GAGE10: variants seen among roughly 807,000 people sequenced by gnomAD.
The protein encoded by GAGE10 is G antigen 10.
In GAGE10, 9 loss-of-function variants were observed where a neutral mutation model predicts 11.5. The ratio of observed to expected loss-of-function variants is 0.78; its 90% CI spans 0.47 to 1.37. The LOEUF (loss-of-function observed/expected upper bound fraction) is 1.37, where lower values mean the gene tolerates loss of function less well. GAGE10 is among the 40% of genes most tolerant of loss of function. The pLI, the probability that GAGE10 is intolerant of heterozygous loss-of-function variation, is 0.00. For synonymous variants in GAGE10, 23 were observed against 29.7 expected (o/e 0.77, Z 0.73); for missense variants, 83 against 92.9 (o/e 0.89, Z 0.44).
At chrX:49,314,097 G>A (rs1484111004) in intron 3 of GAGE10, among the ~76,000 whole-genome samples, 3 of 112,504 alleles carry the variant, frequency 2.7e-5, no homozygotes, top group African/African-American at 9.7e-5. Context: ...GGTTTGCCAT[G>A]CCCATGTGTA....
chrX:49,315,359 A>G (rs2066388236), intron 3 of GAGE10, among the ~76,000 whole-genome samples: 1 of 112,385 alleles, frequency 8.9e-6, no homozygotes. Context: ...GGATGTAGAC[A>G]TAGGAGACTG....
At chrX:49,304,187 G>A (rs1557123765) in intron 1 of GAGE10, among the ~76,000 whole-genome samples, 1 of 112,123 alleles carries the variant, frequency 8.9e-6, no homozygotes, top group African/African-American at 3.2e-5. Context: ...CACCTGGGAA[G>A]ACTGCGGGCT....
intron 3 of GAGE10, among the ~76,000 whole-genome samples, chrX:49,312,945 C>T (rs1465466395): frequency 8.9e-6 from 1 of 112,351 alleles, no homozygotes; most frequent in Non-Finnish European, 1.9e-5. Context: ...CTCGACTTCC[C>T]GGAATTCAGG....
intron 3 of GAGE10, among the ~76,000 whole-genome samples, chrX:49,309,462 A>G (rs1602727325): frequency 8.9e-6 from 1 of 111,964 alleles, no homozygotes; most frequent in South Asian, 3.7e-4. Flanking sequence ...TACATTGATG[A>G]CTAAATGAAT....
At chrX:49,317,077 T>C in intron 3 of GAGE10, 86 bp from the exon 4 acceptor site, 1 of 1,032,877 alleles carries the variant, frequency 9.7e-7, no homozygotes, top group Non-Finnish European at 1.3e-6. Context: ...AGCTTTTATA[T>C]AATAACACCG....
At chrX:49,308,151 C>T (rs1394573554) in intron 3 of GAGE10, among the ~76,000 whole-genome samples, 1 of 112,809 alleles carries the variant, frequency 8.9e-6, no homozygotes, top group African/African-American at 3.2e-5. Context: ...GATAGCTTGA[C>T]TCTTTGTTTG....
At chrX:49,305,999 T>A (rs1557124087) in intron 3 of GAGE10, among the ~76,000 whole-genome samples, 2 of 112,009 alleles carry the variant, frequency 1.8e-5, no homozygotes, top group Non-Finnish European at 3.8e-5. Flanking sequence ...TCACTGAATG[T>A]CAGCCACTGT....
chrX:49,305,969 G>A (rs1195177054), intron 3 of GAGE10, among the ~76,000 whole-genome samples: 2 of 111,597 alleles, frequency 1.8e-5, no homozygotes, highest in Admixed American at 9.5e-5. Context: ...AGAGGAGCAG[G>A]AGCAGCTCCA....
chrX:49,305,089 G>A, intron 2 of GAGE10, 149 bp downstream of exon 2: 1 of 990,253 alleles, frequency 1.0e-6, no homozygotes, highest in Non-Finnish European at 1.4e-6. Flanking sequence ...CATTGATTCT[G>A]GAGAATTTTT....
intron 3 of GAGE10, among the ~76,000 whole-genome samples, chrX:49,312,725 A>T (rs1211162867): frequency 1.8e-5 from 2 of 112,795 alleles, no homozygotes; most frequent in Admixed American, 9.3e-5. Context: ...TTAAAAATGG[A>T]TGGTGGCTGT....
At chrX:49,306,847 A>G (rs782715234) in intron 3 of GAGE10, among the ~76,000 whole-genome samples, 1 of 111,636 alleles carries the variant, frequency 9.0e-6, no homozygotes, top group East Asian at 2.8e-4. Context: ...AAACAAACAA[A>G]CAAACAAACA....
intron 3 of GAGE10, among the ~76,000 whole-genome samples, chrX:49,312,771 GC>G (rs1395375461): frequency 3.0e-4 from 34 of 112,774 alleles, no homozygotes; most frequent in African/African-American, 9.7e-4. Flanking sequence ...AGAAACAAAA[GC>G]CCCAAGGTTT....
intron 3 of GAGE10, among the ~76,000 whole-genome samples, chrX:49,315,781 C>A (rs1249939810): frequency 1.8e-5 from 2 of 112,155 alleles, no homozygotes; most frequent in African/African-American, 6.5e-5. Flanking sequence ...GAGGATAGTT[C>A]TCAACCTTTG....
intron 1 of GAGE10, among the ~76,000 whole-genome samples, chrX:49,304,569 A>C (rs1389893481): frequency 1.6e-4 from 18 of 111,128 alleles, no homozygotes; most frequent in African/African-American, 6.0e-4. Context: ...ACGCCGCTGC[A>C]CTCTGCCAGA....
At chrX:49,305,188 T>A (rs1984695) in intron 2 of GAGE10, among the ~76,000 whole-genome samples, 334 of 109,965 alleles carry the variant, frequency 3.0e-3, no homozygotes, top group African/African-American at 9.1e-3. Context: ...ATTCCAACAC[T>A]GAGTATAATA....
chrX:49,317,418 G>C (rs2066397565), intron 4 of GAGE10, 130 bp downstream of exon 4: 1 of 1,011,423 alleles, frequency 9.9e-7, no homozygotes, highest in Admixed American at 2.9e-5. Context: ...TGGCATCTCG[G>C]CTCATTGGAA....
intron 3 of GAGE10, 57 bp from the exon 4 acceptor site, chrX:49,317,106 T>C: frequency 3.1e-5 from 35 of 1,113,637 alleles, no homozygotes; most frequent in Non-Finnish European, 4.3e-5. Flanking sequence ...AATATTATTT[T>C]CTTATTCATA....
chrX:49,316,952 C>T (rs1350148503), intron 3 of GAGE10, among the ~76,000 whole-genome samples: 37 of 110,815 alleles, frequency 3.3e-4, no homozygotes, highest in African/African-American at 1.2e-3. Context: ...AGGGCAGTCT[C>T]TGGAAAGGAA....
intron 3 of GAGE10, among the ~76,000 whole-genome samples, chrX:49,310,808 A>G (rs2066374336): frequency 9.0e-6 from 1 of 111,507 alleles, no homozygotes; most frequent in Admixed American, 9.5e-5. Flanking sequence ...GGGCCAAAGA[A>G]AAGAGACCCT....
Sources: allele counts gnomAD v4.1 joint callset (sites outside exome capture counted in the v4.1 genomes callset), GRCh38; gene constraint gnomAD v4.1.1; transcripts MANE v1.5; gene names NCBI Gene and HGNC (gene_info 2026-07-23, HGNC 2026-07-21).